Variants in PPFIA2 observed in about 807,000 individuals in gnomAD.
PPFIA2 encodes liprin-alpha-2.
PPFIA2 carries 46 observed loss-of-function variants against 175.5 expected under a neutral mutation model. That is an observed-to-expected ratio of 0.26 (90% CI 0.21 to 0.34). The LOEUF is 0.34. PPFIA2 is among the 10% of genes least tolerant of loss of function. The probability of loss-of-function intolerance (pLI) is 1.00; values close to 1 mark genes in which losing one functional copy is unlikely to be tolerated. For synonymous variants in PPFIA2, 568 were observed against 511.4 expected, an observed-to-expected ratio of 1.11 and a Z score of -1.49; for missense variants, 1,179 against 1,506.1, an observed-to-expected ratio of 0.78 and a Z score of 3.60.
intron 3 of PPFIA2, among the ~76,000 whole-genome samples, chr12:81,718,199 G>A (rs967950271): frequency 2.0e-5 from 3 of 151,608 alleles, no homozygotes; most frequent in African/African-American, 7.3e-5. Context: ...GCTAGAGGAA[G>A]ACAGAGAAAG....
intron 3 of PPFIA2, among the ~76,000 whole-genome samples, chr12:81,736,677 T>A (rs1029474760): frequency 2.6e-5 from 4 of 151,994 alleles, no homozygotes; most frequent in African/African-American, 9.7e-5. Context: ...AGAAAAAAAA[T>A]TGAAAATGGT....
chr12:81,333,970 C>G (rs1415212017), intron 21 of PPFIA2, among the ~76,000 whole-genome samples: 1 of 152,152 alleles, frequency 6.6e-6, no homozygotes, highest in African/African-American at 2.4e-5. Context: ...AGCACTCAGG[C>G]CCCATTTTGA....
chr12:81,353,154 A>C lies in PPFIA2; in HGVS notation c.1959T>G (p.Leu653=). 3 of 1,613,868 alleles carry C rather than the reference A, an allele frequency of 1.9e-6. No homozygotes were observed. The highest frequency in any genetic ancestry group is 2.5e-6 in the Non-Finnish European group (3 of 1,179,824). ...HSDAQTLAMM[L]QEQLDAINKE... ...TGTTGATGGCATCCAATTGTTCCTG[A>C]AGCATCATGGCTAGCGTCTGGGCAT... The change falls in exon 17 of 33, where the codon CTT becomes CTG. Residue 653 remains leucine, a synonymous_variant. Transcript: ENST00000549396.
chr12:81,646,934 A>G (rs2066178806), intron 4 of PPFIA2, among the ~76,000 whole-genome samples: 1 of 152,082 alleles, frequency 6.6e-6, no homozygotes, highest in Non-Finnish European at 1.5e-5. Flanking sequence ...GAGGAAGGAA[A>G]AAAAGTTCTA....
chr12:81,270,904 T>C (rs2038904382), intron 28 of PPFIA2: 1 of 152,236 alleles, frequency 6.6e-6, no homozygotes, highest in South Asian at 2.1e-4. Flanking sequence ...TGTATACTAA[T>C]TTGCTATATC....
intron 3 of PPFIA2, among the ~76,000 whole-genome samples, chr12:81,714,461 T>C (rs1247453797): frequency 1.3e-5 from 2 of 151,098 alleles, no homozygotes; most frequent in Non-Finnish European, 2.9e-5. Flanking sequence ...ATATTCCTAT[T>C]TAATGTCAAA....
chr12:81,416,627 T>A (rs2045315531), intron 7 of PPFIA2, among the ~76,000 whole-genome samples: 1 of 151,726 alleles, frequency 6.6e-6, no homozygotes, highest in Admixed American at 6.6e-5. Flanking sequence ...TTGATTATTA[T>A]AAAGTACTTC....
intron 23 of PPFIA2, among the ~76,000 whole-genome samples, chr12:81,298,727 A>ATG (rs2047095110): frequency 6.6e-6 from 1 of 152,204 alleles, no homozygotes. Flanking sequence ...CCAGAACACT[A>ATG]TGTTGTACAG....
At chr12:81,735,917 A>G (rs2153646781) in intron 3 of PPFIA2, among the ~76,000 whole-genome samples, 1 of 152,048 alleles carries the variant, frequency 6.6e-6, no homozygotes, top group South Asian at 2.1e-4. Flanking sequence ...TGTACTCTCT[A>G]TCATTATACT....
At chr12:81,471,197 T>C (rs1427968786) in intron 4 of PPFIA2, 2 of 151,726 alleles carry the variant, frequency 1.3e-5, no homozygotes, top group East Asian at 3.9e-4. Context: ...AATGCAGTGG[T>C]ATGATCACAA....
intron 7 of PPFIA2, among the ~76,000 whole-genome samples, chr12:81,439,649 A>G (rs2049793077): frequency 6.6e-6 from 1 of 152,102 alleles, no homozygotes; most frequent in Non-Finnish European, 1.5e-5. Context: ...TTTAACAGTT[A>G]TTTGATATGT....
intron 23 of PPFIA2, chr12:81,298,556 T>A (rs1210694312): frequency 1.3e-5 from 2 of 152,208 alleles, no homozygotes; most frequent in African/African-American, 4.8e-5. Flanking sequence ...AGGCATATCC[T>A]AGCAGCTACT....
At chr12:81,280,382 A>C (rs2041797012) in intron 27 of PPFIA2, among the ~76,000 whole-genome samples, 1 of 152,176 alleles carries the variant, frequency 6.6e-6, no homozygotes, top group African/African-American at 2.4e-5. Context: ...TATCACCATA[A>C]GTTGGAAGCA....
At chr12:81,416,071 G>T (rs999880447) in intron 7 of PPFIA2, among the ~76,000 whole-genome samples, 4 of 151,580 alleles carry the variant, frequency 2.6e-5, no homozygotes, top group Non-Finnish European at 4.4e-5. Flanking sequence ...TTGGTCAGAA[G>T]AATTAGTGGA....
intron 4 of PPFIA2, among the ~76,000 whole-genome samples, chr12:81,568,281 A>G (rs537368390): frequency 6.6e-6 from 1 of 152,316 alleles, no homozygotes; most frequent in South Asian, 2.1e-4. Context: ...AAAGGACAAG[A>G]GTCAGAGGCC....
intron 22 of PPFIA2, among the ~76,000 whole-genome samples, chr12:81,311,458 G>A (rs557330360): frequency 1.3e-5 from 2 of 152,288 alleles, no homozygotes; most frequent in South Asian, 4.1e-4. Context: ...AGGCGGCCCG[G>A]CGTGGTGGCT....
chr12:81,490,780 G>C (rs2059343763), intron 4 of PPFIA2, among the ~76,000 whole-genome samples: 2 of 151,806 alleles, frequency 1.3e-5, no homozygotes, highest in African/African-American at 2.4e-5. Flanking sequence ...TTTGACTGCT[G>C]TTTATGCCAC....
intron 3 of PPFIA2, among the ~76,000 whole-genome samples, chr12:81,690,442 C>T (rs1390927166): frequency 6.6e-6 from 1 of 152,020 alleles, no homozygotes; most frequent in Non-Finnish European, 1.5e-5. Context: ...GGATTTTTCG[C>T]ATCTTTACAC....
At chr12:81,595,913 A>G (rs1445844145) in intron 4 of PPFIA2, among the ~76,000 whole-genome samples, 1 of 152,184 alleles carries the variant, frequency 6.6e-6, no homozygotes, top group Non-Finnish European at 1.5e-5. Context: ...TGCTAGAATT[A>G]TTTTAAGGAA....
Sources: allele counts gnomAD v4.1 joint callset (sites outside exome capture counted in the v4.1 genomes callset), GRCh38; gene constraint gnomAD v4.1.1; transcripts MANE v1.5; gene names NCBI Gene and HGNC (gene_info 2026-07-23, HGNC 2026-07-21).